Variants in CPA6 observed in about 807,000 individuals in gnomAD.
CPA6 encodes carboxypeptidase B.
CPA6 carries 58 observed loss-of-function variants against 63.3 expected under a neutral mutation model. The observed-to-expected ratio is 0.92, with a 90% CI of 0.74 to 1.14. CPA6 has a LOEUF of 1.14. Ranked by LOEUF, CPA6 falls within the 50% of genes most tolerant of loss-of-function variation. The pLI, the probability that CPA6 is intolerant of heterozygous loss-of-function variation, is 0.00. For missense variants in CPA6, 565 were observed against 526.6 expected (o/e 1.07, Z -0.71); for synonymous variants, 185 against 179.0 (o/e 1.03, Z -0.27).
At chr8:67,696,326 G>A (rs1183227493) in intron 1 of CPA6, among the ~76,000 whole-genome samples, 1 of 152,170 alleles carries the variant, frequency 6.6e-6, no homozygotes, top group Non-Finnish European at 1.5e-5. Context: ...TTAGGGAAAT[G>A]CAAATTACAG....
chr8:67,709,612 C>A lies in CPA6; in HGVS notation c.116+36402G>T, dbSNP rs77861626. On this transcript the variant is annotated intron_variant, in intron 1 of 10. Coordinates refer to ENST00000297770, the MANE Select transcript of CPA6 (RefSeq NM_020361.5). The stretch of plus-strand genomic sequence containing the variant: ...TTGATTCTGAGCCATTGTGAGTGAC[C>A]ATGGCCCAGGAAACAGTCTGAATAT... 4.1e-3 allele frequency among the ~76,000 whole-genome samples: 631 copies of A among 152,258 alleles called. 4 individuals are homozygous for A. Among genetic ancestry groups the A allele is most frequent in the African/African-American group, 0.013 (520 of 41,546 alleles).
intron 1 of CPA6, among the ~76,000 whole-genome samples, chr8:67,699,961 C>T (rs148412939): frequency 1.4e-3 from 213 of 152,288 alleles, no homozygotes; most frequent in Middle Eastern, 3.4e-3. Flanking sequence ...ATGTAAAATT[C>T]TGTATGCATT....
intron 2 of CPA6, among the ~76,000 whole-genome samples, chr8:67,585,048 T>C (rs1015721732): frequency 6.6e-6 from 1 of 152,124 alleles, no homozygotes. Context: ...TAAGTAAACA[T>C]TTGGAAAACT....
chr8:67,537,499 C>T (rs1421914487), intron 2 of CPA6, among the ~76,000 whole-genome samples: 1 of 152,148 alleles, frequency 6.6e-6, no homozygotes, highest in Non-Finnish European at 1.5e-5. Context: ...TTATAGTATT[C>T]TCTGATGGTA....
intron 1 of CPA6, among the ~76,000 whole-genome samples, chr8:67,710,704 G>C (rs1465273869): frequency 6.7e-6 from 1 of 150,056 alleles, no homozygotes; most frequent in African/African-American, 2.5e-5. Flanking sequence ...TAACTTTTCA[G>C]TTTTCTCTAG....
chr8:67,732,250 A>G (rs1013591649), intron 1 of CPA6, among the ~76,000 whole-genome samples: 2 of 152,218 alleles, frequency 1.3e-5, no homozygotes, highest in East Asian at 3.9e-4. Flanking sequence ...GGATCCCCAC[A>G]TTCCTCCGAA....
At chr8:67,573,037 T>A (rs1813525950) in intron 2 of CPA6, among the ~76,000 whole-genome samples, 1 of 152,222 alleles carries the variant, frequency 6.6e-6, no homozygotes, top group Admixed American at 6.5e-5. Flanking sequence ...GATTATTTCT[T>A]TAAATGCAAA....
chr8:67,543,643 T>G (rs1177928238), intron 2 of CPA6, among the ~76,000 whole-genome samples: 1 of 152,172 alleles, frequency 6.6e-6, no homozygotes, highest in Non-Finnish European at 1.5e-5. Context: ...GCCCTAATGT[T>G]ATTTTTACCA....
chr8:67,506,679 ATTCAAT>A, intron 6 of CPA6, 102 bp downstream of exon 6: 1 of 717,626 alleles, frequency 1.4e-6, no homozygotes, highest in Non-Finnish European at 2.5e-6. Context: ...TGTTACTGTT[ATTCAAT>A]CAGGTATCAT....
intron 6 of CPA6, among the ~76,000 whole-genome samples, chr8:67,505,820 T>C (rs541947067): frequency 6.6e-6 from 1 of 152,272 alleles, no homozygotes; most frequent in South Asian, 2.1e-4. Flanking sequence ...TTTTCAAAGT[T>C]ACAAATTCCA....
At chr8:67,549,279 A>G (rs760661242) in intron 2 of CPA6, among the ~76,000 whole-genome samples, 16 of 152,220 alleles carry the variant, frequency 1.1e-4, no homozygotes, top group Non-Finnish European at 1.8e-4. Flanking sequence ...AGGGAGCAAG[A>G]CTAAAGTAAC....
At chr8:67,428,763 A>G (rs559856665) in intron 9 of CPA6, among the ~76,000 whole-genome samples, 17 of 152,190 alleles carry the variant, frequency 1.1e-4, no homozygotes, top group Non-Finnish European at 2.2e-4. Context: ...TACTACAGAC[A>G]TGAGTCACCG....
At chr8:67,701,850 G>A (rs1483224950) in intron 1 of CPA6, among the ~76,000 whole-genome samples, 3 of 152,160 alleles carry the variant, frequency 2.0e-5, no homozygotes, top group Non-Finnish European at 2.9e-5. Context: ...TTTTATTTCT[G>A]CATTAGGATT....
At chr8:67,529,325 A>G (rs1812428445) in intron 2 of CPA6, among the ~76,000 whole-genome samples, 1 of 152,206 alleles carries the variant, frequency 6.6e-6, no homozygotes, top group Non-Finnish European at 1.5e-5. Flanking sequence ...GACTTGGCTG[A>G]TCACAGAGAA....
At chr8:67,511,437 T>G in intron 4 of CPA6, 104 bp downstream of exon 4, 1 of 700,242 alleles carries the variant, frequency 1.4e-6, no homozygotes, top group East Asian at 2.5e-5. Context: ...TCTCTGTCTT[T>G]ATGCTTCTCC....
intron 1 of CPA6, among the ~76,000 whole-genome samples, chr8:67,686,954 G>A (rs1041376213): frequency 3.3e-5 from 5 of 152,162 alleles, no homozygotes; most frequent in Non-Finnish European, 5.9e-5. Flanking sequence ...ACTAAATTCT[G>A]CCAGGTAATG....
intron 2 of CPA6, among the ~76,000 whole-genome samples, chr8:67,572,896 G>A (rs1813521787): frequency 6.6e-6 from 1 of 152,170 alleles, no homozygotes; most frequent in Non-Finnish European, 1.5e-5. Context: ...CAAAATGCTA[G>A]CAAACTCAAC....
chr8:67,673,381 T>TTATTATTATTA (rs368012210), intron 1 of CPA6, among the ~76,000 whole-genome samples: 1,162 of 101,606 alleles, frequency 0.011, 11 homozygotes, highest in African/African-American at 0.031. Flanking sequence ...ATTATTATTA[T>TTATTATTATTA]TTATTTATTT....
intron 6 of CPA6, among the ~76,000 whole-genome samples, chr8:67,489,695 A>G (rs1325019622): frequency 1.3e-5 from 2 of 152,102 alleles, no homozygotes; most frequent in Non-Finnish European, 2.9e-5. Context: ...ATATGTGTTC[A>G]TTGGATTATG....
Sources: allele counts gnomAD v4.1 joint callset (sites outside exome capture counted in the v4.1 genomes callset), GRCh38; gene constraint gnomAD v4.1.1; transcripts MANE v1.5; gene names NCBI Gene and HGNC (gene_info 2026-07-23, HGNC 2026-07-21).